The following PTPRG variants were observed in gnomAD, a reference collection of about 807,000 sequenced individuals.
PTPRG encodes protein tyrosine phosphatase receptor type G, also known as receptor-type tyrosine-protein phosphatase gamma.
Under a neutral mutation model 165.3 loss-of-function variants are expected in PTPRG, and 102 were observed. That is an observed-to-expected ratio of 0.62 (90% CI 0.53 to 0.73). The LOEUF is 0.73. Among genes scored for constraint, PTPRG ranks in the 30% least tolerant of loss-of-function variants. PTPRG has a pLI of 0.00. For missense variants in PTPRG, 1,866 were observed against 1,861.4 expected (o/e 1.00, Z -0.05); for synonymous variants, 675 against 669.5 (o/e 1.01, Z -0.13).
intron 28 of PTPRG, 115 bp from the exon 29 acceptor site, chr3:62,292,301 TTAGAG>T: frequency 1.8e-6 from 2 of 1,120,236 alleles, no homozygotes; most frequent in South Asian, 3.1e-5. Context: ...AGTCGTGTCT[TTAGAG>T]TAAATGTCAA....
At chr3:61,912,777 C>T (rs2038836062) in intron 2 of PTPRG, among the ~76,000 whole-genome samples, 1 of 152,152 alleles carries the variant, frequency 6.6e-6, no homozygotes, top group African/African-American at 2.4e-5. Flanking sequence ...TATGCAGAGC[C>T]TGGAATCATT....
intron 28 of PTPRG, among the ~76,000 whole-genome samples, chr3:62,283,070 C>T (rs1457219165): frequency 2.0e-5 from 3 of 151,992 alleles, no homozygotes; most frequent in Non-Finnish European, 2.9e-5. Flanking sequence ...TTCCAAGACT[C>T]CAGGTTCTTC....
rs937255697 is a variant in PTPRG, at chr3:62,254,031, C to T, written c.2468-1093C>T. ...AAGCCACCCTAGAGCTTTGCTCTCT[C>T]GAAAGAAAGAAGGAATGACATAGTC... On this transcript the variant is annotated intron_variant, in intron 15 of 29. Transcript: ENST00000474889. The surrounding 1 kb of genome is among the most constrained non-coding windows in gnomAD (Gnocchi z 4.6). 1.3e-5 allele frequency among the ~76,000 whole-genome samples: 2 copies of T among 152,238 alleles called. No individual in the cohort carries two copies. The highest frequency in any genetic ancestry group is 6.5e-5 in the Admixed American group (1 of 15,276).
chr3:62,059,785 C>T (rs983999156), intron 4 of PTPRG, among the ~76,000 whole-genome samples: 13 of 152,144 alleles, frequency 8.5e-5, no homozygotes, highest in African/African-American at 3.1e-4. Flanking sequence ...CCGTTACTCC[C>T]ATGCTGCTGT....
chr3:61,679,062 C>T (rs554597066), intron 1 of PTPRG, among the ~76,000 whole-genome samples: 4 of 152,212 alleles, frequency 2.6e-5, no homozygotes, highest in South Asian at 2.1e-4. Flanking sequence ...ACTGGTCTCA[C>T]GTGATTGAGA....
Position 61,653,134 on chromosome 3 carries a change from A to T in PTPRG, c.85+90762A>T, listed in dbSNP as rs573895464. Among the ~76,000 whole-genome samples the T allele has an allele frequency of 7.2e-5, 11 of 152,302 alleles. No homozygotes were observed. The East Asian group carries it at 2.1e-3, about 29-fold the overall frequency. ...AGACAATTTAAAAAATCATCTCACA[A>T]TGTAGAGATGAATGTGACTTAATGT... On this transcript the variant is annotated intron_variant, in intron 1 of 29. Transcript: ENST00000474889.
At chr3:61,718,315 AT>A in intron 1 of PTPRG, among the ~76,000 whole-genome samples, 1 of 152,142 alleles carries the variant, frequency 6.6e-6, no homozygotes, top group Non-Finnish European at 1.5e-5. Context: ...AGTTTTAAAA[AT>A]TCATTTTATA....
chr3:62,236,818 T>C (rs1341509801), intron 14 of PTPRG, among the ~76,000 whole-genome samples: 1 of 152,172 alleles, frequency 6.6e-6, no homozygotes, highest in Non-Finnish European at 1.5e-5. Flanking sequence ...CATGATGTTG[T>C]TCAGGGCAGT....
chr3:62,105,470 C>T (rs1702443292), intron 5 of PTPRG, among the ~76,000 whole-genome samples: 1 of 152,162 alleles, frequency 6.6e-6, no homozygotes, highest in African/African-American at 2.4e-5. Flanking sequence ...GCCATACTAT[C>T]AATAGGAGAG....
chr3:62,269,025 C>T lies in PTPRG; in HGVS notation c.2875-10C>T. 4 of 1,531,628 alleles carry T rather than the reference C, an allele frequency of 2.6e-6. No homozygotes were observed. The highest frequency in any genetic ancestry group is 2.3e-5 in the East Asian group (1 of 43,270). The allele number at this position is 1,531,628 out of a possible 1,614,324, so 94.9% of individuals were successfully genotyped here. On this transcript the variant is annotated splice_polypyrimidine_tract_variant and intron_variant, in intron 19 of 29. Transcript: ENST00000474889. ...TGCAGTTATACTTTACAACTTTTTT[C>T]TTTCTGCAGCGAAAATGTGATCAGT... is the stretch of plus-strand genomic sequence containing the variant.
intron 1 of PTPRG, among the ~76,000 whole-genome samples, chr3:61,729,065 AAAACAAACAAAC>A (rs33984870): frequency 6.6e-6 from 1 of 151,540 alleles, no homozygotes; most frequent in African/African-American, 2.4e-5. Context: ...CTGTCTCAAA[AAAACAAACAAAC>A]AAACAAACAA....
intron 8 of PTPRG, among the ~76,000 whole-genome samples, chr3:62,188,905 T>C (rs1699731965): frequency 6.6e-6 from 1 of 152,130 alleles, no homozygotes; most frequent in Non-Finnish European, 1.5e-5. Flanking sequence ...TCGTTATTAG[T>C]ATTTGGAACG....
chr3:61,905,123 C>T (rs2038609541), intron 2 of PTPRG, among the ~76,000 whole-genome samples: 1 of 152,060 alleles, frequency 6.6e-6, no homozygotes, highest in South Asian at 2.1e-4. Context: ...AAATCAGATG[C>T]GGTAATCAGA....
At chr3:61,659,285 T>C (rs1236169332) in intron 1 of PTPRG, 6 of 984,376 alleles carry the variant, frequency 6.1e-6, no homozygotes, top group Non-Finnish European at 7.2e-6. Context: ...TTTTCTTTCA[T>C]CGACAAAGGC....
At chr3:62,007,203 T>C (rs2041318809) in intron 4 of PTPRG, among the ~76,000 whole-genome samples, 2 of 152,198 alleles carry the variant, frequency 1.3e-5, no homozygotes. Context: ...CAAACTCAAC[T>C]TTGTAGGTTT....
intron 3 of PTPRG, among the ~76,000 whole-genome samples, chr3:61,990,076 A>G (rs942591163): frequency 6.6e-6 from 1 of 151,988 alleles, no homozygotes; most frequent in Non-Finnish European, 1.5e-5. Context: ...GAGTTAGTAG[A>G]TGTAAGGTAT....
rs1700713859 is a variant in PTPRG, at chr3:62,224,276, A to G, written c.2288+5293A>G. On this transcript the variant is annotated intron_variant, in intron 13 of 29. Coordinates refer to ENST00000474889, the MANE Select transcript of PTPRG (RefSeq NM_002841.4). This position sits in a 1 kb window ranked among gnomAD's most constrained non-coding sequence, Gnocchi z 4.9. The stretch of plus-strand genomic sequence containing the variant: ...ATTGATGTTGCAGCAGACACACCCT[A>G]GAACCCCAGTGGCTTAATAACACAC... 6.6e-6 allele frequency among the ~76,000 whole-genome samples: 1 copy of G among 152,206 alleles called. No homozygotes were observed. Among genetic ancestry groups the G allele is most frequent in the Non-Finnish European group, 1.5e-5 (1 of 68,034 alleles).
chr3:62,046,130 C>T (rs1239902772), intron 4 of PTPRG, among the ~76,000 whole-genome samples: 1 of 152,180 alleles, frequency 6.6e-6, no homozygotes, highest in Non-Finnish European at 1.5e-5. Context: ...CTTACTAGGG[C>T]ACCCTCTCCC....
intron 4 of PTPRG, among the ~76,000 whole-genome samples, chr3:62,041,396 G>A (rs745771748): frequency 1.3e-5 from 2 of 152,144 alleles, no homozygotes; most frequent in Non-Finnish European, 2.9e-5. Flanking sequence ...TTGTCAAAAG[G>A]TTGAGATGAT....
Sources: gnomAD v4.1 joint callset for allele counts (sites outside exome capture counted in the v4.1 genomes callset) on GRCh38, gnomAD v4.1.1 for gene constraint, Gnocchi (gnomAD v3.1) non-coding constraint, MANE v1.5 for transcripts, NCBI Gene and HGNC (gene_info 2026-07-23, HGNC 2026-07-21) for gene names.